ERBB4: variants seen among roughly 807,000 people sequenced by gnomAD.
ERBB4 encodes receptor tyrosine-protein kinase erbB-4.
In ERBB4, 42 loss-of-function variants were observed where a neutral mutation model predicts 158.0. That is an observed-to-expected ratio of 0.27 (90% CI 0.21 to 0.34). ERBB4 has a LOEUF of 0.34. ERBB4 is among the 10% of genes least tolerant of loss of function. ERBB4 has a pLI of 1.00. For missense variants in ERBB4, 1,333 were observed against 1,624.1 expected (o/e 0.82, Z 3.08); for synonymous variants, 583 against 558.7 (o/e 1.04, Z -0.61).
intron 2 of ERBB4, among the ~76,000 whole-genome samples, chr2:211,961,337 C>A (rs141317916): frequency 6.6e-6 from 1 of 152,162 alleles, no homozygotes; most frequent in African/African-American, 2.4e-5. Flanking sequence ...TGTTAGCAGC[C>A]CTTTTTATAA....
intron 7 of ERBB4, among the ~76,000 whole-genome samples, chr2:211,719,154 A>G (rs1193940124): frequency 6.6e-6 from 1 of 152,214 alleles, no homozygotes; most frequent in Non-Finnish European, 1.5e-5. Context: ...ACACATTTTC[A>G]TCATGTCTTC....
chr2:211,678,851 C>G (rs2072212602), intron 13 of ERBB4, among the ~76,000 whole-genome samples: 1 of 151,206 alleles, frequency 6.6e-6, no homozygotes, highest in Non-Finnish European at 1.5e-5. Context: ...CCTGTAATCC[C>G]AGCTACTTGG....
chr2:211,719,748 G>A (rs1225610438), intron 7 of ERBB4, among the ~76,000 whole-genome samples: 4 of 151,794 alleles, frequency 2.6e-5, no homozygotes, highest in East Asian at 1.9e-4. Flanking sequence ...CCAGCTACTC[G>A]GGAGGCTAAG....
At chr2:212,329,729 T>G (rs1183134597) in intron 1 of ERBB4, among the ~76,000 whole-genome samples, 1 of 152,092 alleles carries the variant, frequency 6.6e-6, no homozygotes. Context: ...CTGCTTCTGC[T>G]GGCCTAGTGT....
chr2:211,598,164 C>T (rs1379744777), intron 19 of ERBB4, among the ~76,000 whole-genome samples: 5 of 152,032 alleles, frequency 3.3e-5, no homozygotes, highest in Non-Finnish European at 5.9e-5. Flanking sequence ...TCTCCACGTC[C>T]TCCTCCTGTC....
At chr2:212,298,231 T>C (rs964420259) in intron 1 of ERBB4, among the ~76,000 whole-genome samples, 5 of 151,798 alleles carry the variant, frequency 3.3e-5, no homozygotes, top group African/African-American at 9.7e-5. Context: ...TCATATTCTA[T>C]ACCATCTAGT....
intron 1 of ERBB4, among the ~76,000 whole-genome samples, chr2:212,452,009 GTTT>G (rs755896726): frequency 7.2e-6 from 1 of 139,010 alleles, no homozygotes; most frequent in African/African-American, 2.6e-5. Flanking sequence ...GAGTGTGCAG[GTTT>G]TTTTTTTTTT....
intron 2 of ERBB4, among the ~76,000 whole-genome samples, chr2:212,075,907 T>C (rs1163419839): frequency 1.3e-5 from 2 of 151,968 alleles, no homozygotes; most frequent in African/African-American, 4.8e-5. Context: ...ATTTCTTCTA[T>C]TGCTACATTT....
At chr2:212,106,774 G>A (rs1168765512) in intron 2 of ERBB4, among the ~76,000 whole-genome samples, 1 of 152,198 alleles carries the variant, frequency 6.6e-6, no homozygotes, top group Non-Finnish European at 1.5e-5. Context: ...CTAGGGACTT[G>A]GTGCCCTGTG....
intron 1 of ERBB4, among the ~76,000 whole-genome samples, chr2:212,527,153 G>A (rs1306267225): frequency 6.6e-6 from 1 of 151,548 alleles, no homozygotes; most frequent in African/African-American, 2.4e-5. Context: ...ACTGTGTAAG[G>A]GACAGTACTA....
At chr2:211,701,734 G>A (rs1337483303) in intron 12 of ERBB4, among the ~76,000 whole-genome samples, 28 of 122,256 alleles carry the variant, frequency 2.3e-4, no homozygotes, top group Non-Finnish European at 3.2e-5. Flanking sequence ...CTAGCCTGGG[G>A]CAACAGAGCG....
At chr2:212,179,335 T>A (rs544302811) in intron 1 of ERBB4, among the ~76,000 whole-genome samples, 1 of 61,554 alleles carries the variant, frequency 1.6e-5, no homozygotes, top group Non-Finnish European at 3.3e-5. Flanking sequence ...CCAGAAAACA[T>A]TGAGAGCTTT....
intron 1 of ERBB4, among the ~76,000 whole-genome samples, chr2:212,178,766 ATTTG>A (rs1312399074): frequency 6.6e-6 from 1 of 151,748 alleles, no homozygotes; most frequent in Non-Finnish European, 1.5e-5. Context: ...GGTAATTTAT[ATTTG>A]TTTGTTCGCT....
chr2:212,226,972 G>A lies in ERBB4; in HGVS notation c.83-102069C>T, dbSNP rs143521658. Among the ~76,000 whole-genome samples, 22 of 152,238 alleles carry A rather than the reference G, an allele frequency of 1.4e-4. No individual in the cohort carries two copies. The East Asian group carries it at 4.3e-3, about 29-fold the overall frequency. On this transcript the variant is annotated intron_variant, in intron 1 of 27. Coordinates refer to ENST00000342788, the MANE Select transcript of ERBB4 (RefSeq NM_005235.3). ...AAGAAATATTTTCACAGGCCCGGGT[G>A]CAATGGCTCACGCCTGTAATCCTAG...
chr2:212,080,856 A>T (rs1378399034), intron 2 of ERBB4, among the ~76,000 whole-genome samples: 1 of 152,130 alleles, frequency 6.6e-6, no homozygotes, highest in East Asian at 1.9e-4. Flanking sequence ...CATATGGAAA[A>T]CATCTCATCC....
chr2:211,909,802 C>G (rs1333513422), intron 3 of ERBB4, among the ~76,000 whole-genome samples: 1 of 151,764 alleles, frequency 6.6e-6, no homozygotes, highest in East Asian at 2.0e-4. Flanking sequence ...CATTTAAATA[C>G]TCGATGTGAG....
intron 2 of ERBB4, among the ~76,000 whole-genome samples, chr2:212,057,542 T>C (rs2077619701): frequency 6.6e-6 from 1 of 152,138 alleles, no homozygotes; most frequent in African/African-American, 2.4e-5. Context: ...AAAGCACTCC[T>C]CAGCAAATGT....
intron 25 of ERBB4, among the ~76,000 whole-genome samples, chr2:211,418,989 T>C (rs1188390245): frequency 1.3e-5 from 2 of 152,160 alleles, no homozygotes; most frequent in Non-Finnish European, 2.9e-5. Flanking sequence ...TCTCTTTCCA[T>C]ATCAGATCTT....
chr2:212,088,828 A>C (rs1024620637), intron 2 of ERBB4, among the ~76,000 whole-genome samples: 6 of 152,280 alleles, frequency 3.9e-5, no homozygotes, highest in African/African-American at 1.4e-4. Flanking sequence ...TTATTCATTG[A>C]TTCATACAAT....
Sources: gnomAD v4.1 joint callset for allele counts (sites outside exome capture counted in the v4.1 genomes callset) on GRCh38, gnomAD v4.1.1 for gene constraint, MANE v1.5 for transcripts, NCBI Gene and HGNC (gene_info 2026-07-23, HGNC 2026-07-21) for gene names.